The following MTREX variants were observed in gnomAD, a reference collection of about 807,000 sequenced individuals.
The protein encoded by MTREX is Mtr4 exosome RNA helicase.
In MTREX, 76 loss-of-function variants were observed where a neutral mutation model predicts 135.4. The ratio of observed to expected loss-of-function variants is 0.56; its 90% CI spans 0.47 to 0.68. The LOEUF is 0.68. Ranked by LOEUF, MTREX falls within the 30% of genes least tolerant of loss-of-function variation. MTREX has a pLI of 0.00. For missense variants in MTREX, 920 were observed against 1,262.1 expected, an observed-to-expected ratio of 0.73 and a Z score of 4.11; for synonymous variants, 404 against 401.6, an observed-to-expected ratio of 1.01 and a Z score of -0.07.
intron 14 of MTREX, among the ~76,000 whole-genome samples, chr5:55,354,551 C>T (rs973232714): frequency 2.0e-5 from 3 of 152,144 alleles, no homozygotes; most frequent in African/African-American, 7.2e-5. Flanking sequence ...TAAATAAAGG[C>T]GAAACATTTT....
intron 1 of MTREX, among the ~76,000 whole-genome samples, chr5:55,320,146 A>G (rs1282435307): frequency 6.6e-6 from 1 of 152,182 alleles, no homozygotes; most frequent in Non-Finnish European, 1.5e-5. Flanking sequence ...GCTAGGTATC[A>G]GAGAATGGAC....
chr5:55,336,965 A>G (rs1243774615), intron 5 of MTREX, among the ~76,000 whole-genome samples: 2 of 152,216 alleles, frequency 1.3e-5, no homozygotes, highest in Admixed American at 6.5e-5. Context: ...TCTGTTTTCC[A>G]TAAGACTTTG....
At chr5:55,313,984 CTGT>C (rs377283918) in intron 1 of MTREX, among the ~76,000 whole-genome samples, 3 of 151,118 alleles carry the variant, frequency 2.0e-5, no homozygotes, top group East Asian at 3.9e-4. Context: ...ATGTAGAGAG[CTGT>C]TTTTTTTTTT....
intron 15 of MTREX, among the ~76,000 whole-genome samples, chr5:55,364,858 T>C (rs191971698): frequency 6.6e-6 from 1 of 152,302 alleles, no homozygotes; most frequent in East Asian, 1.9e-4. Flanking sequence ...ACCATCAATA[T>C]ATGTGAAAGA....
chr5:55,424,635 G>C lies in MTREX; in HGVS notation c.3077-85G>C, dbSNP rs149561667. The C allele has an allele frequency of 3.4e-6, 3 of 875,978 alleles. No individual in the cohort carries two copies. In the East Asian group the frequency reaches 7.3e-5, roughly 21 times the overall value. 54.3% of individuals were successfully genotyped at this position (875,978 alleles called of 1,614,324 possible). A position where few individuals can be genotyped will look rare whatever the true frequency, so the allele number is the denominator to read the frequency against. On this transcript the variant is annotated intron_variant, in intron 26 of 26. Transcript: ENST00000230640. Reference sequence around the variant, plus strand: ...CTCGCTTACCAGTTGAATCAGGGTTGGTATACTGGCTTTAAAATTTCGGTA... The same window carrying C: ...CTCGCTTACCAGTTGAATCAGGGTTCGTATACTGGCTTTAAAATTTCGGTA...
chr5:55,384,876 G>A (rs1273992439), intron 18 of MTREX, among the ~76,000 whole-genome samples: 1 of 152,136 alleles, frequency 6.6e-6, no homozygotes, highest in African/African-American at 2.4e-5. Flanking sequence ...CAGGAGCTCT[G>A]TTAGCAGGAG....
chr5:55,309,066 G>A (rs1238951106), intron 1 of MTREX, among the ~76,000 whole-genome samples: 1 of 152,126 alleles, frequency 6.6e-6, no homozygotes, highest in East Asian at 1.9e-4. Context: ...TCAAGAAAGG[G>A]AGATCCTATT....
chr5:55,329,849 T>G (rs1188894968), intron 5 of MTREX, among the ~76,000 whole-genome samples: 1 of 152,036 alleles, frequency 6.6e-6, no homozygotes, highest in Non-Finnish European at 1.5e-5. Flanking sequence ...CTTGGTGTTG[T>G]TTTTGCATTT....
chr5:55,370,303 G>A (rs531654655), intron 16 of MTREX, among the ~76,000 whole-genome samples: 61 of 152,168 alleles, frequency 4.0e-4, no homozygotes, highest in African/African-American at 1.3e-3. Flanking sequence ...TATATCTCTG[G>A]CTGCAGTCCT....
At chr5:55,369,429 G>A (rs1190643590) in intron 16 of MTREX, among the ~76,000 whole-genome samples, 3 of 152,176 alleles carry the variant, frequency 2.0e-5, no homozygotes, top group Non-Finnish European at 2.9e-5. Flanking sequence ...ACAGAAGTGT[G>A]TATTGGTGCA....
intron 16 of MTREX, among the ~76,000 whole-genome samples, chr5:55,374,699 A>G (rs984284419): frequency 6.6e-6 from 1 of 152,176 alleles, no homozygotes; most frequent in African/African-American, 2.4e-5. Flanking sequence ...CAAATGCTAA[A>G]AAGAGATAAT....
chr5:55,358,050 GT>G (rs1749949405), intron 14 of MTREX, among the ~76,000 whole-genome samples: 1 of 152,200 alleles, frequency 6.6e-6, no homozygotes, highest in Non-Finnish European at 1.5e-5. Flanking sequence ...AGATTTTGCT[GT>G]TTTCGCTGGG....
chr5:55,351,110 C>T (rs1749820332), intron 13 of MTREX, 81 bp downstream of exon 13: 1 of 1,400,380 alleles, frequency 7.1e-7, no homozygotes, highest in Non-Finnish European at 9.3e-7. Flanking sequence ...TGTTTATAGG[C>T]AATATGTGTG....
chr5:55,343,210 A>C (rs1749679280), intron 7 of MTREX, 121 bp from the exon 8 acceptor site: 1 of 894,758 alleles, frequency 1.1e-6, no homozygotes, highest in African/African-American at 1.7e-5. Flanking sequence ...GTGGCTTAAA[A>C]TATTCTTGAG....
At chr5:55,369,315 G>A (rs1436268229) in intron 16 of MTREX, among the ~76,000 whole-genome samples, 1 of 152,108 alleles carries the variant, frequency 6.6e-6, no homozygotes, top group African/African-American at 2.4e-5. Flanking sequence ...GGAAATTAAA[G>A]TATTCCTCCT....
chr5:55,347,592 T>C (rs955795278), intron 11 of MTREX, among the ~76,000 whole-genome samples: 1 of 152,242 alleles, frequency 6.6e-6, no homozygotes, highest in Non-Finnish European at 1.5e-5. Flanking sequence ...CAAAGTGATA[T>C]AACTTCTAGC....
chr5:55,366,854 G>A lies in MTREX; in HGVS notation c.1789G>A (p.Ala597Thr). The A allele has an allele frequency of 6.2e-7, 1 of 1,609,108 alleles. No individual in the cohort carries two copies. Among genetic ancestry groups the A allele is most frequent in the Non-Finnish European group, 8.5e-7 (1 of 1,177,510 alleles). Residue 597 changes from alanine (A) to threonine (T), a missense_variant, in exon 16 of 27, where the codon GCA becomes ACA. Transcript: ENST00000230640. ...KSFYQFQHYR[A>T]IPGVVEKVKN... ...CTTCTACCAGTTTCAGCATTATAGA[G>A]CAATTCCAGGAGTAGTAGAGAGTAA... is the stretch of plus-strand genomic sequence containing the variant.
intron 10 of MTREX, among the ~76,000 whole-genome samples, 168 bp from the exon 11 acceptor site, chr5:55,346,845 T>G (rs751933110): frequency 6.6e-6 from 1 of 152,166 alleles, no homozygotes; most frequent in Non-Finnish European, 1.5e-5. Flanking sequence ...TTTTTTTCCT[T>G]ATGTTGTTTA....
At position 55,400,287 on chromosome 5, in the gene MTREX, A is replaced by T; in HGVS notation, c.2347A>T (p.Met783Leu). Residue 783 changes from methionine to leucine, a missense_variant, in exon 21 of 27, where the codon ATG (methionine) becomes TTG (leucine). Coordinates refer to ENST00000230640, the MANE Select transcript of MTREX (RefSeq NM_015360.5). ...GIPLLDPIDD[M>L]GIQDQGLKKV... ...CCCCTTATTAGACCCTATTGATGATATGGGCATTCAAGATCAAGGGCTGAA... is the reference window on the plus strand; with the variant it reads ...CCCCTTATTAGACCCTATTGATGATTTGGGCATTCAAGATCAAGGGCTGAA... The T allele has an allele frequency of 6.2e-7, 1 of 1,613,180 alleles. No homozygotes were observed. The highest frequency in any genetic ancestry group is 8.5e-7 in the Non-Finnish European group (1 of 1,179,540).
Sources: gnomAD v4.1 joint callset for allele counts (sites outside exome capture counted in the v4.1 genomes callset) on GRCh38, gnomAD v4.1.1 for gene constraint, MANE v1.5 for transcripts, NCBI Gene and HGNC (gene_info 2026-07-23, HGNC 2026-07-21) for gene names.